The following CD99 variants were observed in gnomAD, a reference collection of about 807,000 sequenced individuals.
CD99 encodes CD99 antigen.
Under a neutral mutation model 28.4 loss-of-function variants are expected in CD99, and 19 were observed. That is an observed-to-expected ratio of 0.67 (90% CI 0.47 to 0.98). The LOEUF (loss-of-function observed/expected upper bound fraction) is 0.98, where lower values mean the gene tolerates loss of function less well. CD99 is among the 50% of genes least tolerant of loss of function. CD99 has a pLI of 0.00. For missense variants in CD99, 283 were observed against 248.8 expected (o/e 1.14, Z -0.92); for synonymous variants, 103 against 92.1 (o/e 1.12, Z -0.67).
At chrX:2,720,702 G>A (rs2048955847) in intron 5 of CD99, among the ~76,000 whole-genome samples, 1 of 130,626 alleles carries the variant, frequency 7.7e-6, no homozygotes, top group Non-Finnish European at 1.5e-5. Context: ...TTGGCTCACT[G>A]CAACCTCCAC....
At chrX:2,691,605 C>G in intron 1 of CD99, 178 bp downstream of exon 1, 1 of 737,720 alleles carries the variant, frequency 1.4e-6, no homozygotes, top group Non-Finnish European at 2.4e-6. Context: ...CACTTTCTCC[C>G]CAACGCTTTT....
chrX:2,719,339 T>G (rs1223565104), intron 3 of CD99: 4 of 337,142 alleles, frequency 1.2e-5, no homozygotes, highest in African/African-American at 6.4e-5. Flanking sequence ...AGAATTGGAA[T>G]TTCAACTTGG....
chrX:2,695,948 T>C (rs1057404681), intron 1 of CD99, among the ~76,000 whole-genome samples: 38 of 152,172 alleles, frequency 2.5e-4, no homozygotes, highest in Non-Finnish European at 4.7e-4. Flanking sequence ...AAAAATCAAC[T>C]GTCCTACATT....
At chrX:2,740,242 C>A (rs766879657) in intron 9 of CD99, among the ~76,000 whole-genome samples, 1 of 152,260 alleles carries the variant, frequency 6.6e-6, no homozygotes, top group East Asian at 1.9e-4. Flanking sequence ...CTTCATTAGC[C>A]AGTACATTGG....
chrX:2,693,374 G>A (rs1428741716), intron 1 of CD99, among the ~76,000 whole-genome samples: 1 of 152,022 alleles, frequency 6.6e-6, no homozygotes, highest in Non-Finnish European at 1.5e-5. Context: ...AGTGGGATAG[G>A]GGCATAACAG....
intron 9 of CD99, 37 bp downstream of exon 9, chrX:2,738,293 C>T: frequency 6.3e-7 from 1 of 1,595,236 alleles, no homozygotes; most frequent in Non-Finnish European, 8.6e-7. Context: ...GCACACGTGG[C>T]CAGTGTTCCC....
chrX:2,699,685 G>A (rs2047755229), intron 1 of CD99, among the ~76,000 whole-genome samples: 2 of 152,108 alleles, frequency 1.3e-5, no homozygotes. Flanking sequence ...CTGAACTCCT[G>A]AGTTCAAGCC....
intron 1 of CD99, among the ~76,000 whole-genome samples, chrX:2,693,615 C>T (rs937815778): frequency 6.6e-6 from 1 of 152,150 alleles, no homozygotes; most frequent in Non-Finnish European, 1.5e-5. Context: ...TGCAAAACCC[C>T]GTTGAGCCTG....
intron 1 of CD99, among the ~76,000 whole-genome samples, chrX:2,706,382 C>CA (rs999036690): frequency 6.6e-6 from 1 of 152,070 alleles, no homozygotes; most frequent in Admixed American, 6.6e-5. Flanking sequence ...AAACAAAAAA[C>CA]AAAAAACGCT....
chrX:2,736,493 G>A (rs1347066199), intron 8 of CD99, among the ~76,000 whole-genome samples: 6 of 151,980 alleles, frequency 3.9e-5, no homozygotes, highest in Non-Finnish European at 7.4e-5. Context: ...GAAAAGAAGC[G>A]ACACCGACAA....
chrX:2,700,889 T>C (rs2047825013), intron 1 of CD99, among the ~76,000 whole-genome samples: 1 of 147,234 alleles, frequency 6.8e-6, no homozygotes, highest in South Asian at 2.2e-4. Context: ...ATCCACCTAC[T>C]CACCCACCCA....
chrX:2,732,572 TC>T (rs371083457), intron 8 of CD99, among the ~76,000 whole-genome samples: 7 of 120,876 alleles, frequency 5.8e-5, no homozygotes, highest in African/African-American at 1.8e-4. Flanking sequence ...CCTCTCTCTC[TC>T]TTTTCATTCT....
intron 1 of CD99, among the ~76,000 whole-genome samples, chrX:2,700,748 A>G (rs2047814133): frequency 1.3e-5 from 2 of 151,256 alleles, no homozygotes; most frequent in Non-Finnish European, 1.5e-5. Context: ...TCATCTATCC[A>G]TCCATTCACC....
intron 3 of CD99, among the ~76,000 whole-genome samples, chrX:2,718,499 G>C (rs186329253): frequency 1.6e-4 from 25 of 152,108 alleles, no homozygotes; most frequent in Admixed American, 1.3e-3. Context: ...CTCCCAAGTA[G>C]CTGGGACTAC....
intron 8 of CD99, among the ~76,000 whole-genome samples, chrX:2,732,272 C>T (rs1398429890): frequency 3.3e-5 from 5 of 152,050 alleles, no homozygotes; most frequent in Admixed American, 1.3e-4. Context: ...ACTAACCACA[C>T]GGAGCCTGAC....
chrX:2,731,313 G>A (rs1299329519), intron 8 of CD99, among the ~76,000 whole-genome samples: 3 of 152,234 alleles, frequency 2.0e-5, no homozygotes, highest in African/African-American at 2.4e-5. Flanking sequence ...CCATGGGCCA[G>A]GCGCGGTGGC....
intron 2 of CD99, chrX:2,714,880 ACTAGACTCATAGATGACGAGG>A: frequency 6.2e-6 from 1 of 160,298 alleles, no homozygotes. Context: ...TATTATAAAA[ACTAGACTCATAGATGACGAGG>A]AAAAGCAAGA....
At chrX:2,705,400 T>C (rs183300407) in intron 1 of CD99, among the ~76,000 whole-genome samples, 14 of 152,354 alleles carry the variant, frequency 9.2e-5, no homozygotes, top group African/African-American at 3.4e-4. Flanking sequence ...ATTAAGCTCT[T>C]TTCTGTAATT....
intron 8 of CD99, among the ~76,000 whole-genome samples, chrX:2,732,934 CCT>C (rs1224579021): frequency 6.9e-6 from 1 of 144,556 alleles, no homozygotes; most frequent in African/African-American, 2.6e-5. Context: ...TTCCTCCTTC[CCT>C]CTCTCCTTCC....
Sources: allele counts gnomAD v4.1 joint callset (sites outside exome capture counted in the v4.1 genomes callset), GRCh38; gene constraint gnomAD v4.1.1; transcripts MANE v1.5; gene names NCBI Gene and HGNC (gene_info 2026-07-23, HGNC 2026-07-21).